Variants in TNFSF4 observed in about 807,000 individuals in gnomAD.
TNFSF4 encodes the protein tumor necrosis factor ligand superfamily member 4.
In TNFSF4, 4 loss-of-function variants were observed where a neutral mutation model predicts 7.3. The ratio of observed to expected loss-of-function variants is 0.55; its 90% CI spans 0.27 to 1.25. TNFSF4 has a LOEUF of 1.25. Among genes scored for constraint, TNFSF4 ranks in the 50% most tolerant of loss-of-function variants. The pLI is 0.12. For missense variants in TNFSF4, 181 were observed against 208.8 expected (o/e 0.87, Z 0.82); for synonymous variants, 76 against 83.7 (o/e 0.91, Z 0.50).
the TNFSF4 span, among the ~76,000 whole-genome samples, chr1:173,228,863 G>A: frequency 6.6e-6 from 1 of 152,182 alleles, no homozygotes; most frequent in South Asian, 2.1e-4. Flanking sequence ...AATGAAGCAG[G>A]AAGAGAAGTT....
At chr1:173,322,822 A>G in the TNFSF4 span, among the ~76,000 whole-genome samples, 15 of 152,324 alleles carry the variant, frequency 9.8e-5, no homozygotes, top group Middle Eastern at 3.4e-3. Context: ...ATTGCAAGGC[A>G]GCAGCGAGGC....
At chr1:173,308,285 C>CTCTCTCTGTGTG in the TNFSF4 span, among the ~76,000 whole-genome samples, 130 of 135,108 alleles carry the variant, frequency 9.6e-4, no homozygotes, top group African/African-American at 2.0e-3. Flanking sequence ...CTCTCTCTCT[C>CTCTCTCTGTGTG]TGTGTGTGTG....
At chr1:173,379,600 G>A in the TNFSF4 span, among the ~76,000 whole-genome samples, 1 of 152,160 alleles carries the variant, frequency 6.6e-6, no homozygotes, top group African/African-American at 2.4e-5. Flanking sequence ...CCTGGGCCCT[G>A]AACAAACTCT....
the TNFSF4 span, among the ~76,000 whole-genome samples, chr1:173,404,637 T>C: frequency 0.013 from 1,943 of 148,804 alleles, 53 homozygotes; most frequent in African/African-American, 0.045. Flanking sequence ...GACTGCCATT[T>C]TTTTTTTTTT....
At chr1:173,201,666 G>A (rs1326825607) in intron 1 of TNFSF4, among the ~76,000 whole-genome samples, 1 of 152,052 alleles carries the variant, frequency 6.6e-6, no homozygotes, top group African/African-American at 2.4e-5. Context: ...CCTGGCCCAG[G>A]GCACTCCCTT....
chr1:173,229,796 C>A, the TNFSF4 span, among the ~76,000 whole-genome samples: 1,716 of 152,054 alleles, frequency 0.011, 12 homozygotes, highest in Non-Finnish European at 0.017. Flanking sequence ...GTCTCTGATA[C>A]AACAGACTTT....
At chr1:173,294,032 G>A in the TNFSF4 span, among the ~76,000 whole-genome samples, 1 of 152,038 alleles carries the variant, frequency 6.6e-6, no homozygotes, top group Non-Finnish European at 1.5e-5. Context: ...CAGCCACTGT[G>A]GAAAGCAATT....
the TNFSF4 span, among the ~76,000 whole-genome samples, chr1:173,319,093 G>T: frequency 1.8e-4 from 27 of 152,308 alleles, no homozygotes; most frequent in African/African-American, 6.0e-4. Context: ...AGAACCACTG[G>T]CTTGAAATTC....
chr1:173,382,863 AT>A, the TNFSF4 span, among the ~76,000 whole-genome samples: 2 of 136,740 alleles, frequency 1.5e-5, no homozygotes, highest in African/African-American at 5.5e-5. Flanking sequence ...ATTCTAAGAG[AT>A]TTACTGTTTT....
chr1:173,281,213 A>T, the TNFSF4 span, among the ~76,000 whole-genome samples: 1 of 152,158 alleles, frequency 6.6e-6, no homozygotes, highest in African/African-American at 2.4e-5. Flanking sequence ...GAAACAAAAC[A>T]AACAAAAAAA....
the TNFSF4 span, among the ~76,000 whole-genome samples, chr1:173,291,082 T>C: frequency 1.3e-5 from 2 of 152,174 alleles, no homozygotes; most frequent in Non-Finnish European, 2.9e-5. Flanking sequence ...AGTTTATTTG[T>C]CTAATGGTTC....
At chr1:173,353,788 T>G in the TNFSF4 span, among the ~76,000 whole-genome samples, 1 of 152,228 alleles carries the variant, frequency 6.6e-6, no homozygotes, top group African/African-American at 2.4e-5. Context: ...CATGTTTCTT[T>G]GGAGGAAAAT....
downstream of TNFSF4, among the ~76,000 whole-genome samples, chr1:173,180,652 TAGA>T (rs1649039598): frequency 1.3e-5 from 2 of 152,184 alleles, no homozygotes; most frequent in South Asian, 4.1e-4. Flanking sequence ...ATTACTTACC[TAGA>T]AGAAGTGTGT....
the TNFSF4 span, among the ~76,000 whole-genome samples, chr1:173,320,488 C>T: frequency 6.6e-6 from 1 of 151,940 alleles, no homozygotes; most frequent in African/African-American, 2.4e-5. Flanking sequence ...GGCAATCAGG[C>T]GGGAAAAAGA....
the TNFSF4 span, among the ~76,000 whole-genome samples, chr1:173,369,567 T>C: frequency 6.6e-6 from 1 of 152,040 alleles, no homozygotes; most frequent in Non-Finnish European, 1.5e-5. Context: ...AGACCAAAAC[T>C]ATGGGTGGTT....
At chr1:173,260,798 A>G in the TNFSF4 span, among the ~76,000 whole-genome samples, 1 of 152,222 alleles carries the variant, frequency 6.6e-6, no homozygotes, top group Non-Finnish European at 1.5e-5. Flanking sequence ...ACTATCCTAA[A>G]TATATATGCA....
At chr1:173,430,872 T>C in the TNFSF4 span, among the ~76,000 whole-genome samples, 1 of 152,246 alleles carries the variant, frequency 6.6e-6, no homozygotes. Flanking sequence ...TGCATTCTAA[T>C]TAAAGCTCTG....
At chr1:173,255,054 G>C in the TNFSF4 span, among the ~76,000 whole-genome samples, 4 of 152,132 alleles carry the variant, frequency 2.6e-5, no homozygotes, top group African/African-American at 7.2e-5. Flanking sequence ...TGGGGAAAGG[G>C]GGTAAAACTA....
chr1:173,410,884 C>T, the TNFSF4 span, among the ~76,000 whole-genome samples: 5 of 152,198 alleles, frequency 3.3e-5, no homozygotes, highest in African/African-American at 9.7e-5. Context: ...CATGACAGGA[C>T]GGAACCCAGT....
Sources: allele counts gnomAD v4.1 joint callset (sites outside exome capture counted in the v4.1 genomes callset), GRCh38; gene constraint gnomAD v4.1.1; transcripts MANE v1.5; gene names NCBI Gene and HGNC (gene_info 2026-07-23, HGNC 2026-07-21).